The following ZNF81 variants were observed in gnomAD, a reference collection of about 807,000 sequenced individuals.
ZNF81 encodes zinc finger protein 81, also known as zinc finger protein 81 (HFZ20).
Under a neutral mutation model 32.3 loss-of-function variants are expected in ZNF81, and 5 were observed. The observed-to-expected ratio is 0.15, with a 90% CI of 0.08 to 0.33. ZNF81 has a LOEUF of 0.33. Among genes scored for constraint, ZNF81 ranks in the 10% least tolerant of loss-of-function variants. The pLI is 1.00. For synonymous variants in ZNF81, 163 were observed against 166.8 expected, an observed-to-expected ratio of 0.98 and a Z score of 0.17; for missense variants, 379 against 479.8, an observed-to-expected ratio of 0.79 and a Z score of 1.96.
At chrX:47,844,656 T>C (rs2058463521) in intron 1 of ZNF81, among the ~76,000 whole-genome samples, 1 of 112,472 alleles carries the variant, frequency 8.9e-6, no homozygotes, top group Admixed American at 9.4e-5. Context: ...AGTTTTGGAA[T>C]GGACATGGGT....
At chrX:47,853,362 A>T (rs931316277) in intron 2 of ZNF81, among the ~76,000 whole-genome samples, 2 of 108,773 alleles carry the variant, frequency 1.8e-5, no homozygotes, top group South Asian at 8.0e-4. Flanking sequence ...TTGTATTTTT[A>T]GTAGAGACAG....
intron 2 of ZNF81, among the ~76,000 whole-genome samples, chrX:47,882,446 G>T (rs1327578179): frequency 8.9e-6 from 1 of 111,896 alleles, no homozygotes; most frequent in Non-Finnish European, 1.9e-5. Flanking sequence ...CCAGGTTGTT[G>T]TGTCTATCCG....
At chrX:47,855,388 A>G (rs1338543017) in intron 2 of ZNF81, among the ~76,000 whole-genome samples, 4 of 110,994 alleles carry the variant, frequency 3.6e-5, no homozygotes, top group Admixed American at 9.6e-5. Flanking sequence ...GAAACACAAT[A>G]TCTCTGAAGT....
At chrX:47,866,821 T>G (rs1556883331) in intron 2 of ZNF81, among the ~76,000 whole-genome samples, 1 of 111,344 alleles carries the variant, frequency 9.0e-6, no homozygotes, top group African/African-American at 3.3e-5. Context: ...ATGGCAGCAC[T>G]ATTCACAACA....
intron 4 of ZNF81, among the ~76,000 whole-genome samples, chrX:47,897,737 A>G (rs1296392307): frequency 1.8e-5 from 2 of 111,994 alleles, no homozygotes; most frequent in African/African-American, 6.5e-5. Flanking sequence ...TGTTCCAGAA[A>G]CATTTGTTGA....
intron 2 of ZNF81, among the ~76,000 whole-genome samples, chrX:47,875,720 C>T (rs901455974): frequency 3.6e-5 from 4 of 112,356 alleles, no homozygotes; most frequent in Non-Finnish European, 5.6e-5. Flanking sequence ...TCTGGCAACA[C>T]AGGAAATCCT....
intron 2 of ZNF81, among the ~76,000 whole-genome samples, chrX:47,864,440 A>T (rs1453800244): frequency 8.9e-6 from 1 of 112,057 alleles, no homozygotes; most frequent in African/African-American, 3.2e-5. Flanking sequence ...CAGTGGTGCA[A>T]CCTCAGTGAA....
chrX:47,872,588 C>T (rs1462763294), intron 2 of ZNF81, among the ~76,000 whole-genome samples: 1 of 111,862 alleles, frequency 8.9e-6, no homozygotes, highest in Non-Finnish European at 1.9e-5. Flanking sequence ...GAAAAATTTT[C>T]AGACAATGGC....
chrX:47,861,997 A>G (rs782517411), intron 2 of ZNF81, among the ~76,000 whole-genome samples: 1 of 111,809 alleles, frequency 8.9e-6, no homozygotes, highest in East Asian at 2.8e-4. Flanking sequence ...GATTCCTATC[A>G]TGGGAATAAC....
chrX:47,913,784 A>AT (rs1335638978), intron 4 of ZNF81, among the ~76,000 whole-genome samples: 2 of 111,428 alleles, frequency 1.8e-5, no homozygotes, highest in East Asian at 5.6e-4. Context: ...TATGAAGAAA[A>AT]CCTTTAAGCA....
chrX:47,917,385 T>G lies in ZNF81; in HGVS notation c.*753T>G. On this transcript the variant is annotated 3_prime_UTR_variant, in exon 5 of 5. Transcript: ENST00000338637. The stretch of plus-strand genomic sequence containing the variant: ...ACAATGCAAAGTAGCCACAGATTCC[T>G]CCCATCCCAAGTAGCGTCTCTTTGT... 1 of 296,045 alleles carries G rather than the reference T, an allele frequency of 3.4e-6. No homozygotes were observed. The highest frequency in any genetic ancestry group is 5.9e-6 in the Non-Finnish European group (1 of 169,244). 24.4% of individuals were successfully genotyped at this position (296,045 alleles called of 1,213,427 possible). A position where few individuals can be genotyped will look rare whatever the true frequency, so the allele number is the denominator to read the frequency against.
intron 4 of ZNF81, among the ~76,000 whole-genome samples, 188 bp downstream of exon 4, chrX:47,896,128 C>T (rs2058679272): frequency 8.9e-6 from 1 of 111,746 alleles, no homozygotes; most frequent in African/African-American, 3.3e-5. Flanking sequence ...CTGTTATCAC[C>T]TGTCTTCTTT....
intron 2 of ZNF81, among the ~76,000 whole-genome samples, chrX:47,859,141 T>C (rs950672084): frequency 5.4e-5 from 6 of 111,071 alleles, no homozygotes; most frequent in Admixed American, 9.5e-5. Context: ...TTTAAATTCT[T>C]TTTTTGGTTC....
rs2058787387 is a variant in ZNF81 at position 47,925,290 on chromosome X, C to T, written c.*8658C>T. 1.8e-5 allele frequency among the ~76,000 whole-genome samples: 2 copies of T among 111,462 alleles called. No homozygotes were observed. The highest frequency in any genetic ancestry group is 6.5e-5 in the African/African-American group (2 of 30,684). On this transcript the variant is annotated 3_prime_UTR_variant, in exon 5 of 5. Transcript: ENST00000338637. Reference sequence around the variant, plus strand: ...TCACCCCAAAAAAGTTTCCTTATGCCTCTTTGTCATTCAGCCCCCTTTCCC... The same window carrying T: ...TCACCCCAAAAAAGTTTCCTTATGCTTCTTTGTCATTCAGCCCCCTTTCCC...
Position 47,915,367 on chromosome X carries a change from A to G in ZNF81, c.721A>G (p.Thr241Ala). The G allele has an allele frequency of 1.7e-6, 2 of 1,211,802 alleles. No individual in the cohort carries two copies. The highest frequency in any genetic ancestry group is 2.2e-6 in the Non-Finnish European group (2 of 895,474). ...SSYSHHENTH[T>A]GVKFCERNQC... ...TTATAGTCACCACGAAAATACACAT[A>G]CAGGAGTGAAGTTCTGTGAACGTAA... The change falls in exon 5 of 5, where the codon ACA (threonine) becomes GCA (alanine). Residue 241 changes from threonine to alanine, a missense_variant. Physicochemically the swap from Thr to Ala is moderately conservative, Grantham distance 58. Transcript: ENST00000338637.
intron 2 of ZNF81, among the ~76,000 whole-genome samples, chrX:47,856,048 CAAAAAAAAAA>C (rs61300154): frequency 1.2e-4 from 6 of 48,690 alleles, no homozygotes; most frequent in Admixed American, 2.3e-4. Context: ...GACTCTGCCT[CAAAAAAAAAA>C]AAAAAAAAAA....
chrX:47,878,057 G>A (rs781809883), intron 2 of ZNF81, among the ~76,000 whole-genome samples: 31 of 111,375 alleles, frequency 2.8e-4, no homozygotes, highest in Non-Finnish European at 4.9e-4. Context: ...TGGCATGATC[G>A]ACTGTAGGAG....
Position 47,916,556 on chromosome X carries a change from C to G in ZNF81, c.1910C>G (p.Pro637Arg). 1 of 1,201,634 alleles carries G rather than the reference C, an allele frequency of 8.3e-7. No homozygotes were observed. Among genetic ancestry groups the G allele is most frequent in the Middle Eastern group, 2.3e-4 (1 of 4,298 alleles). ...KHQTIHTGDK[P>R]YKCSDCGKGF... The stretch of plus-strand genomic sequence containing the variant: ...CAGACAATTCATACTGGAGATAAAC[C>G]GTATAAATGCAGCGACTGTGGAAAG... Residue 637 changes from proline (P) to arginine (R), a missense_variant, in exon 5 of 5, where the codon CCG becomes CGG. Physicochemically the swap from Pro to Arg is moderately radical, Grantham distance 103. Around this residue, in one of 2 missense-constraint regions of ZNF81, gnomAD observed 102 missense variants for 173.2 expected, o/e 0.59. Coordinates refer to ENST00000338637, the MANE Select transcript of ZNF81 (RefSeq NM_007137.5).
rs782440852 is a variant in ZNF81, at chrX:47,871,744, A to G, written c.55-16255A>G. Among the ~76,000 whole-genome samples, 209 of 111,897 alleles carry G rather than the reference A, an allele frequency of 1.9e-3. 1 individual carries two copies. The highest frequency in any genetic ancestry group is 6.6e-3 in the African/African-American group (203 of 30,853). On this transcript the variant is annotated intron_variant, in intron 2 of 4. Coordinates refer to ENST00000338637, the MANE Select transcript of ZNF81 (RefSeq NM_007137.5). Reference sequence around the variant, plus strand: ...GCACTTGTAAGATAGTTGTCATAGCATGAAGGGTATGCAGAAGAGTCAGGT... The same window carrying G: ...GCACTTGTAAGATAGTTGTCATAGCGTGAAGGGTATGCAGAAGAGTCAGGT...
Sources: allele counts gnomAD v4.1 joint callset (sites outside exome capture counted in the v4.1 genomes callset), GRCh38; gene constraint gnomAD v4.1.1; regional missense constraint gnomAD v4.1.1; transcripts MANE v1.5; gene names NCBI Gene and HGNC (gene_info 2026-07-23, HGNC 2026-07-21).